OSMR: variants seen among roughly 807,000 people sequenced by gnomAD.
The protein encoded by OSMR is oncostatin M receptor, also known as oncostatin-M-specific receptor subunit beta.
OSMR carries 81 observed loss-of-function variants against 99.9 expected under a neutral mutation model. The ratio of observed to expected loss-of-function variants is 0.81; its 90% CI spans 0.68 to 0.97. The LOEUF (loss-of-function observed/expected upper bound fraction) is 0.97, where lower values mean the gene tolerates loss of function less well. OSMR is among the 50% of genes least tolerant of loss of function. The pLI, the probability that OSMR is intolerant of heterozygous loss-of-function variation, is 0.00. For missense variants in OSMR, 1,099 were observed against 1,153.4 expected (o/e 0.95, Z 0.68); for synonymous variants, 406 against 410.4 (o/e 0.99, Z 0.13).
At chr5:38,862,696 G>A (rs1262379142) in intron 1 of OSMR, among the ~76,000 whole-genome samples, 3 of 151,638 alleles carry the variant, frequency 2.0e-5, no homozygotes, top group African/African-American at 7.3e-5. Context: ...GCCGGGCAGA[G>A]ACGCTCCTCA....
chr5:38,862,269 C>G (rs1240402377), intron 1 of OSMR, among the ~76,000 whole-genome samples: 1 of 103,496 alleles, frequency 9.7e-6, no homozygotes, highest in Admixed American at 8.7e-5. Flanking sequence ...CCCTCCCGGA[C>G]GGGGCGGCTG....
At chr5:38,849,321 G>GT (rs1210176822) in intron 1 of OSMR, among the ~76,000 whole-genome samples, 3 of 152,188 alleles carry the variant, frequency 2.0e-5, no homozygotes, top group African/African-American at 7.2e-5. Context: ...TTTTTGTAAA[G>GT]TTTTAGACAG....
At chr5:38,915,837 G>A (rs1745861839) in intron 9 of OSMR, among the ~76,000 whole-genome samples, 1 of 152,138 alleles carries the variant, frequency 6.6e-6, no homozygotes, top group Non-Finnish European at 1.5e-5. Context: ...AGATAAAGAT[G>A]TTTTTTATGT....
downstream of OSMR, among the ~76,000 whole-genome samples, chr5:38,936,933 A>AAAG (rs1320774965): frequency 6.6e-6 from 1 of 152,272 alleles, no homozygotes; most frequent in Non-Finnish European, 1.5e-5. Flanking sequence ...TTTATATGCT[A>AAAG]AAGTTTTAAA....
intron 9 of OSMR, among the ~76,000 whole-genome samples, chr5:38,908,504 A>G (rs968567374): frequency 6.6e-6 from 1 of 151,966 alleles, no homozygotes; most frequent in Non-Finnish European, 1.5e-5. Context: ...GGCCTGCACC[A>G]CTCATTGGAG....
chr5:38,916,487 A>G (rs1310794409), intron 9 of OSMR, among the ~76,000 whole-genome samples: 1 of 152,170 alleles, frequency 6.6e-6, no homozygotes, highest in Non-Finnish European at 1.5e-5. Flanking sequence ...TACCTGCCCC[A>G]TAGAATTGTT....
chr5:38,872,689 A>G (rs1742478802), intron 2 of OSMR, among the ~76,000 whole-genome samples: 1 of 152,236 alleles, frequency 6.6e-6, no homozygotes, highest in Non-Finnish European at 1.5e-5. Context: ...AAAGAAGAAA[A>G]TTAAGATCAC....
chr5:38,925,614 C>G (rs569471633), intron 15 of OSMR, among the ~76,000 whole-genome samples: 107 of 152,198 alleles, frequency 7.0e-4, no homozygotes, highest in Non-Finnish European at 1.2e-3. Context: ...AATCTTCCTT[C>G]TGCCTCCCTC....
At chr5:38,853,699 G>T (rs1286847414) in intron 1 of OSMR, among the ~76,000 whole-genome samples, 1 of 152,108 alleles carries the variant, frequency 6.6e-6, no homozygotes, top group Non-Finnish European at 1.5e-5. Flanking sequence ...TAGAGACTCA[G>T]CTTTAATCCT....
intron 2 of OSMR, among the ~76,000 whole-genome samples, chr5:38,874,686 A>G (rs1255070907): frequency 6.6e-6 from 1 of 152,164 alleles, no homozygotes; most frequent in Non-Finnish European, 1.5e-5. Context: ...TTCCGTGCAA[A>G]CTTTGACTGG....
At chr5:38,867,185 A>G (rs971036217) in intron 1 of OSMR, among the ~76,000 whole-genome samples, 5 of 152,200 alleles carry the variant, frequency 3.3e-5, no homozygotes, top group Non-Finnish European at 2.9e-5. Context: ...TTTGCCAAAA[A>G]TAGAAAGCAG....
chr5:38,890,507 G>A (rs1043742519), intron 7 of OSMR, among the ~76,000 whole-genome samples: 12 of 151,916 alleles, frequency 7.9e-5, no homozygotes, highest in African/African-American at 2.9e-4. Context: ...TGCTAGCAAG[G>A]CAAACCTAAT....
At position 38,933,619 on chromosome 5, in the gene OSMR, C is replaced by A. The variant is rs1746886642; in HGVS notation, c.*175C>A. On this transcript the variant is annotated 3_prime_UTR_variant, in exon 18 of 18. Transcript: ENST00000274276. ...GCCAGAGGCTATGGAACTTAACACT[C>A]CCCATTGGAGCAAGCTTGCCCTAGA... The A allele has an allele frequency of 1.5e-6, 1 of 668,572 alleles. No homozygotes were observed. The highest frequency in any genetic ancestry group is 2.6e-6 in the Non-Finnish European group (1 of 386,416). 41.4% of individuals were successfully genotyped at this position (668,572 alleles called of 1,614,324 possible). A position where few individuals can be genotyped will look rare whatever the true frequency, so the allele number is the denominator to read the frequency against.
chr5:38,936,115 A>ATT (rs537341729), downstream of OSMR, among the ~76,000 whole-genome samples: 20 of 152,326 alleles, frequency 1.3e-4, no homozygotes, highest in East Asian at 3.7e-3. Context: ...ATAATGGACA[A>ATT]TTTCAAATAA....
chr5:38,874,182 C>CT (rs1428511705), intron 2 of OSMR, among the ~76,000 whole-genome samples: 1 of 152,062 alleles, frequency 6.6e-6, no homozygotes, highest in South Asian at 2.1e-4. Context: ...TGTCTTTTCA[C>CT]TTTTTTGTGA....
chr5:38,898,275 C>T, intron 7 of OSMR, among the ~76,000 whole-genome samples: 1 of 152,114 alleles, frequency 6.6e-6, no homozygotes, highest in East Asian at 1.9e-4. Flanking sequence ...TATCTGGCTG[C>T]TCCAGTGTTG....
Position 38,912,355 on chromosome 5 carries a change from T to C in OSMR, c.1286-5191T>C, listed in dbSNP as rs1036014189. ...TCACATACACAAAAATATCTAGTAATACATTTAACCAAGGAGGTGAAAGAT... is the reference window on the plus strand; with the variant it reads ...TCACATACACAAAAATATCTAGTAACACATTTAACCAAGGAGGTGAAAGAT... On this transcript the variant is annotated intron_variant, in intron 9 of 17. Transcript: ENST00000274276. Among the ~76,000 whole-genome samples, 22 of 152,252 alleles carry C rather than the reference T, an allele frequency of 1.4e-4. 1 individual carries two copies. Among genetic ancestry groups the C allele is most frequent in the African/African-American group, 5.3e-4 (22 of 41,542 alleles).
chr5:38,912,900 C>T (rs907163349), intron 9 of OSMR, among the ~76,000 whole-genome samples: 6 of 152,076 alleles, frequency 3.9e-5, no homozygotes, highest in Non-Finnish European at 7.3e-5. Context: ...TAGACCTGTA[C>T]CTTTCACCAT....
At chr5:38,898,579 G>A (rs906116035) in intron 7 of OSMR, among the ~76,000 whole-genome samples, 1 of 152,114 alleles carries the variant, frequency 6.6e-6, no homozygotes, top group African/African-American at 2.4e-5. Context: ...TGATTGGAAA[G>A]TTTAGTCCAT....
Sources: allele counts gnomAD v4.1 joint callset (sites outside exome capture counted in the v4.1 genomes callset), GRCh38; gene constraint gnomAD v4.1.1; transcripts MANE v1.5; gene names NCBI Gene and HGNC (gene_info 2026-07-23, HGNC 2026-07-21).